The following CLSTN2 variants were observed in gnomAD, a reference collection of about 807,000 sequenced individuals.
CLSTN2 encodes calsyntenin-2.
A neutral mutation model predicts 101.2 loss-of-function variants in CLSTN2; 48 were observed. The observed-to-expected ratio is 0.47, with a 90% CI of 0.38 to 0.60. The LOEUF is 0.60. CLSTN2 is among the 20% of genes least tolerant of loss of function. The pLI, the probability that CLSTN2 is intolerant of heterozygous loss-of-function variation, is 0.00. For missense variants in CLSTN2, 1,160 were observed against 1,238.2 expected, an observed-to-expected ratio of 0.94 and a Z score of 0.95; for synonymous variants, 481 against 463.6, an observed-to-expected ratio of 1.04 and a Z score of -0.48.
intron 2 of CLSTN2, among the ~76,000 whole-genome samples, chr3:140,302,735 T>G (rs2087072115): frequency 6.6e-6 from 1 of 152,204 alleles, no homozygotes. Context: ...ACTGTCCAGC[T>G]GCAGGAGTGA....
chr3:140,260,756 A>T (rs984954388), intron 2 of CLSTN2, among the ~76,000 whole-genome samples: 1 of 152,192 alleles, frequency 6.6e-6, no homozygotes, highest in Non-Finnish European at 1.5e-5. Context: ...CACTTAGGCT[A>T]CCATATCACA....
In CLSTN2 at chr3:140,566,486, G is replaced by A; in HGVS notation, c.*233G>A. Reference sequence around the variant, plus strand: ...AGGACTTCAGGGTAGACTTTGTCCTGTAGCCTCCACTTCTGCCCTAAGTTC... The same window carrying A: ...AGGACTTCAGGGTAGACTTTGTCCTATAGCCTCCACTTCTGCCCTAAGTTC... On this transcript the variant is annotated 3_prime_UTR_variant, in exon 17 of 17. Coordinates refer to ENST00000458420, the MANE Select transcript of CLSTN2 (RefSeq NM_022131.3). 2 of 564,272 alleles carry A rather than the reference G, an allele frequency of 3.5e-6. No individual in the cohort carries two copies. The highest frequency in any genetic ancestry group is 3.2e-6 in the Non-Finnish European group (1 of 316,218). 35.0% of individuals were successfully genotyped at this position (564,272 alleles called of 1,614,324 possible).
Position 140,566,360 on chromosome 3 carries a change from A to G in CLSTN2, c.*107A>G, listed in dbSNP as rs887899714. 3 of 1,182,090 alleles carry G rather than the reference A, an allele frequency of 2.5e-6. No individual in the cohort carries two copies. In the African/African-American group the frequency reaches 4.5e-5, roughly 18 times the overall value. 73.2% of individuals were successfully genotyped at this position (1,182,090 alleles called of 1,614,324 possible). A position where few individuals can be genotyped will look rare whatever the true frequency, so the allele number is the denominator to read the frequency against. The stretch of plus-strand genomic sequence containing the variant: ...CTCTGATGTCTGTGACATGTCTGGG[A>G]AGGCCTTCTCCAGCTTCCTGGAGCC... On this transcript the variant is annotated 3_prime_UTR_variant, in exon 17 of 17. Coordinates refer to ENST00000458420, the MANE Select transcript of CLSTN2 (RefSeq NM_022131.3).
At chr3:140,178,735 G>A (rs770450322) in intron 2 of CLSTN2, among the ~76,000 whole-genome samples, 1 of 152,116 alleles carries the variant, frequency 6.6e-6, no homozygotes, top group Non-Finnish European at 1.5e-5. Flanking sequence ...AGAAAATACC[G>A]AAGATTTATT....
At chr3:140,383,167 G>T (rs7641120) in intron 2 of CLSTN2, among the ~76,000 whole-genome samples, 2,461 of 152,184 alleles carry the variant, frequency 0.016, 68 homozygotes, top group African/African-American at 0.055. Context: ...TAACTAAAAG[G>T]TTTGGATATT....
At chr3:140,334,601 C>G (rs2087422542) in intron 2 of CLSTN2, among the ~76,000 whole-genome samples, 4 of 152,128 alleles carry the variant, frequency 2.6e-5, no homozygotes, top group Admixed American at 6.5e-5. Flanking sequence ...GGCCCATCAA[C>G]AAAAATAATT....
At chr3:140,193,191 G>A (rs954599294) in intron 2 of CLSTN2, among the ~76,000 whole-genome samples, 10 of 141,948 alleles carry the variant, frequency 7.0e-5, no homozygotes, top group African/African-American at 2.6e-4. Flanking sequence ...AAGGGCTTTT[G>A]TATTTACCAT....
At chr3:140,174,397 C>G (rs2010289151) in intron 1 of CLSTN2, among the ~76,000 whole-genome samples, 1 of 152,212 alleles carries the variant, frequency 6.6e-6, no homozygotes, top group South Asian at 2.1e-4. Flanking sequence ...AAGTTTCAAA[C>G]TTTCCCACAT....
At chr3:140,495,310 GT>G (rs368935942) in intron 8 of CLSTN2, among the ~76,000 whole-genome samples, 1 of 150,862 alleles carries the variant, frequency 6.6e-6, no homozygotes, top group African/African-American at 2.4e-5. Context: ...ACTTTTTAAT[GT>G]TTTTTTTTCC....
intron 1 of CLSTN2, among the ~76,000 whole-genome samples, chr3:139,992,916 C>T (rs375961416): frequency 4.6e-5 from 7 of 152,344 alleles, no homozygotes; most frequent in Admixed American, 2.6e-4. Context: ...TAAGAGTGTA[C>T]TCATGCACAC....
rs1330645197 is a variant in CLSTN2, at chr3:140,419,753, A to G, written c.638-1372A>G. On this transcript the variant is annotated intron_variant, in intron 4 of 16. Coordinates refer to ENST00000458420, the MANE Select transcript of CLSTN2 (RefSeq NM_022131.3). ...TACATGTATATACGTATATATACACATATACGTGTATACACGTGTATACAC... is the reference window on the plus strand; with the variant it reads ...TACATGTATATACGTATATATACACGTATACGTGTATACACGTGTATACAC... 3.5e-4 allele frequency among the ~76,000 whole-genome samples: 23 copies of G among 66,308 alleles called. 6 individuals carry two copies. Among genetic ancestry groups the G allele is most frequent in the Non-Finnish European group, 4.4e-4 (18 of 40,968 alleles). 43.5% of individuals were successfully genotyped at this position (66,308 alleles called of 152,430 possible).
At chr3:140,389,289 C>T (rs939365290) in intron 2 of CLSTN2, among the ~76,000 whole-genome samples, 1 of 152,178 alleles carries the variant, frequency 6.6e-6, no homozygotes, top group African/African-American at 2.4e-5. Flanking sequence ...CGTGCTCCCT[C>T]CTCCCACACC....
At chr3:140,448,144 G>T (rs1459806840) in intron 5 of CLSTN2, among the ~76,000 whole-genome samples, 17 of 152,132 alleles carry the variant, frequency 1.1e-4, no homozygotes, top group African/African-American at 4.1e-4. Flanking sequence ...GTAACTGCAG[G>T]CGTGGACGGG....
chr3:140,466,376 T>A (rs896844992), intron 7 of CLSTN2, among the ~76,000 whole-genome samples: 2 of 152,194 alleles, frequency 1.3e-5, no homozygotes, highest in Non-Finnish European at 2.9e-5. Context: ...AAAGTCCAGA[T>A]GTCTTCTCAG....
At chr3:140,518,775 C>T (rs1322681526) in intron 8 of CLSTN2, among the ~76,000 whole-genome samples, 1 of 152,208 alleles carries the variant, frequency 6.6e-6, no homozygotes, top group Non-Finnish European at 1.5e-5. Context: ...CGACGTGAGC[C>T]TCCACATGTC....
chr3:140,147,575 C>T (rs933575525), intron 1 of CLSTN2, among the ~76,000 whole-genome samples: 1 of 151,712 alleles, frequency 6.6e-6, no homozygotes, highest in African/African-American at 2.4e-5. Context: ...TTGAGGGCAG[C>T]TGAAAAAAAA....
chr3:140,084,535 T>C lies in CLSTN2; in HGVS notation c.110-91416T>C, dbSNP rs188281103. On this transcript the variant is annotated intron_variant, in intron 1 of 16. Transcript: ENST00000458420. ...AATCTAATTTCCTTCAGTAGTCTAC[T>C]GAAGTCTATCAGAAACCAAGTCTAC... Among the ~76,000 whole-genome samples the C allele has an allele frequency of 2.5e-3, 384 of 152,350 alleles. 1 individual carries two copies. The highest frequency in any genetic ancestry group is 8.9e-3 in the African/African-American group (372 of 41,596).
At chr3:140,056,694 G>C (rs9827738) in intron 1 of CLSTN2, among the ~76,000 whole-genome samples, 8,606 of 152,206 alleles carry the variant, frequency 0.057, 326 homozygotes, top group Non-Finnish European at 0.078. Flanking sequence ...TGTAATTGTG[G>C]GCACCTACAG....
At position 140,334,657 on chromosome 3, in the gene CLSTN2, G is replaced by A. The variant is rs952503340; in HGVS notation, c.233-68972G>A. On this transcript the variant is annotated intron_variant, in intron 2 of 16. Coordinates refer to ENST00000458420, the MANE Select transcript of CLSTN2 (RefSeq NM_022131.3). The stretch of plus-strand genomic sequence containing the variant: ...ACAGAATGAAGGGACATTCCTCCAT[G>A]TGAAGCTGAAAGAAGGGTCACTAAT... Among the ~76,000 whole-genome samples the A allele has an allele frequency of 8.5e-5, 13 of 152,322 alleles. No homozygotes were observed. In the East Asian group the frequency reaches 2.3e-3, roughly 27 times the overall value.
Sources: allele counts gnomAD v4.1 joint callset (sites outside exome capture counted in the v4.1 genomes callset), GRCh38; gene constraint gnomAD v4.1.1; transcripts MANE v1.5; gene names NCBI Gene and HGNC (gene_info 2026-07-23, HGNC 2026-07-21).